The following WDPCP variants were observed in gnomAD, a reference collection of about 807,000 sequenced individuals.
The protein encoded by WDPCP is WD repeat containing planar cell polarity effector.
In WDPCP, 71 loss-of-function variants were observed where a neutral mutation model predicts 93.1. The ratio of observed to expected loss-of-function variants is 0.76; its 90% CI spans 0.63 to 0.93. The LOEUF is 0.93. Among genes scored for constraint, WDPCP ranks in the 40% least tolerant of loss-of-function variants. The pLI, the probability that WDPCP is intolerant of heterozygous loss-of-function variation, is 0.00. For missense variants in WDPCP, 844 were observed against 887.4 expected (o/e 0.95, Z 0.62); for synonymous variants, 315 against 315.0 (o/e 1.00, Z 0.00).
intron 2 of WDPCP, among the ~76,000 whole-genome samples, chr2:63,746,317 G>A (rs1318923198): frequency 6.6e-6 from 1 of 152,128 alleles, no homozygotes; most frequent in African/African-American, 2.4e-5. Flanking sequence ...AGCTGAGGAT[G>A]TATGTGGCCT....
chr2:63,529,282 T>C (rs1451732019), intron 1 of WDPCP, among the ~76,000 whole-genome samples: 10 of 152,230 alleles, frequency 6.6e-5, no homozygotes, highest in Admixed American at 6.5e-4. Flanking sequence ...AGGGCATCCC[T>C]GTCTTGTGCA....
rs1709599944 is a variant in WDPCP at position 63,610,112 on chromosome 2, GTCCAGGC to G, written n.488+40540_488+40546del. 2.0e-5 allele frequency among the ~76,000 whole-genome samples: 3 copies of G among 152,172 alleles called. No individual in the cohort carries two copies. The South Asian group carries it at 6.2e-4, about 32-fold the overall frequency. On this transcript the variant is annotated intron_variant and non_coding_transcript_variant, in intron 3 of 4. Coordinates refer to the WDPCP transcript ENST00000467687. The stretch of plus-strand genomic sequence containing the variant: ...TTTTGTTGCTCCTTCTCTTAATGGA[GTCCAGGC>G]CCAGGAAGTTGTGTCTTCAAGCAGC...
At chr2:63,497,329 A>G (rs1324054878) in intron 1 of WDPCP, among the ~76,000 whole-genome samples, 4 of 152,210 alleles carry the variant, frequency 2.6e-5, no homozygotes, top group East Asian at 3.9e-4. Context: ...AAAATGGCCA[A>G]TGTCCATTAG....
At chr2:63,394,171 T>G (rs1693521958) in intron 10 of WDPCP, among the ~76,000 whole-genome samples, 1 of 152,092 alleles carries the variant, frequency 6.6e-6, no homozygotes, top group African/African-American at 2.4e-5. Context: ...TCCAGAATCT[T>G]AAGGAACTTA....
intron 2 of WDPCP, among the ~76,000 whole-genome samples, chr2:63,767,778 T>G (rs1670165612): frequency 6.6e-6 from 1 of 152,152 alleles, no homozygotes; most frequent in Admixed American, 6.6e-5. Context: ...TATTTTGTCC[T>G]GTCTGTGTGG....
chr2:63,383,367 G>A (rs766179630), intron 10 of WDPCP, among the ~76,000 whole-genome samples: 8 of 152,068 alleles, frequency 5.3e-5, no homozygotes, highest in Non-Finnish European at 4.4e-5. Flanking sequence ...ACAGAGCTGT[G>A]AAATAATAAA....
Position 63,211,173 on chromosome 2 carries a change from G to A in WDPCP, c.1916-36341C>T, listed in dbSNP as rs759354566. Among the ~76,000 whole-genome samples the A allele has an allele frequency of 2.4e-4, 36 of 152,344 alleles. 1 individual carries two copies. The highest frequency in any genetic ancestry group is 4.0e-4 in the Non-Finnish European group (27 of 68,028). On this transcript the variant is annotated intron_variant, in intron 14 of 17. Transcript: ENST00000272321. ...AGACTGCCTCCTCAAGTGGGTCCCT[G>A]ACCCCCGAGTAGCCTAACTGGGAGG...
intron 2 of WDPCP, among the ~76,000 whole-genome samples, chr2:63,669,622 A>C (rs1012984679): frequency 2.0e-5 from 3 of 152,124 alleles, no homozygotes; most frequent in Admixed American, 1.3e-4. Flanking sequence ...AGCCTCCCAA[A>C]GTGCTGGGAT....
intron 2 of WDPCP, among the ~76,000 whole-genome samples, chr2:63,669,411 G>A (rs950938987): frequency 2.0e-5 from 3 of 150,734 alleles, no homozygotes; most frequent in African/African-American, 4.9e-5. Flanking sequence ...CCAGGCTGGA[G>A]TGCAGTGGTG....
intron 3 of WDPCP, among the ~76,000 whole-genome samples, chr2:63,601,989 C>T (rs2106620536): frequency 6.6e-6 from 1 of 152,280 alleles, no homozygotes; most frequent in African/African-American, 2.4e-5. Flanking sequence ...GCCACTCTAC[C>T]CTATCCCACA....
At chr2:63,272,798 G>A (rs1240973817) in intron 13 of WDPCP, among the ~76,000 whole-genome samples, 1 of 152,188 alleles carries the variant, frequency 6.6e-6, no homozygotes, top group Non-Finnish European at 1.5e-5. Flanking sequence ...AGTCCCAGAA[G>A]GCGACAATAT....
At chr2:63,706,379 T>G (rs1669152858) in intron 2 of WDPCP, among the ~76,000 whole-genome samples, 1 of 152,198 alleles carries the variant, frequency 6.6e-6, no homozygotes, top group Non-Finnish European at 1.5e-5. Flanking sequence ...TGATGCAGTT[T>G]CTTCCTAGTC....
intron 15 of WDPCP, among the ~76,000 whole-genome samples, chr2:63,156,375 T>C (rs1347551446): frequency 6.6e-6 from 1 of 152,208 alleles, no homozygotes; most frequent in Non-Finnish European, 1.5e-5. Flanking sequence ...ACAGTATTTC[T>C]TTTATTTTGG....
At chr2:63,332,232 A>C (rs1688034241) in intron 12 of WDPCP, among the ~76,000 whole-genome samples, 1 of 151,944 alleles carries the variant, frequency 6.6e-6, no homozygotes, top group African/African-American at 2.4e-5. Context: ...CCCCCCTAAC[A>C]GAAATACATA....
At chr2:63,496,574 T>A (rs1701235471) in intron 1 of WDPCP, among the ~76,000 whole-genome samples, 1 of 152,166 alleles carries the variant, frequency 6.6e-6, no homozygotes, top group Non-Finnish European at 1.5e-5. Flanking sequence ...CTGAGCATAG[T>A]ACAGTATAGA....
intron 14 of WDPCP, among the ~76,000 whole-genome samples, chr2:63,197,567 G>A (rs1675542583): frequency 6.6e-6 from 1 of 152,152 alleles, no homozygotes; most frequent in African/African-American, 2.4e-5. Context: ...ACCTATTGAA[G>A]TACATCCTGT....
chr2:63,513,941 C>T (rs1702398308), intron 1 of WDPCP, among the ~76,000 whole-genome samples: 1 of 152,084 alleles, frequency 6.6e-6, no homozygotes. Context: ...TCTTGTTTAC[C>T]TGTCCTTTGT....
intron 12 of WDPCP, among the ~76,000 whole-genome samples, chr2:63,373,063 C>T (rs998086035): frequency 3.3e-5 from 5 of 151,928 alleles, no homozygotes; most frequent in East Asian, 1.9e-4. Flanking sequence ...GCGGAGGTTG[C>T]GGTGAGCCAA....
At chr2:63,437,620 G>A (rs570676374) in intron 7 of WDPCP, 66 bp from the exon 8 acceptor site, 2 of 1,407,272 alleles carry the variant, frequency 1.4e-6, no homozygotes, top group East Asian at 2.3e-5. Flanking sequence ...CCACTGATAT[G>A]TTACAAAAAG....
Sources: allele counts gnomAD v4.1 joint callset (sites outside exome capture counted in the v4.1 genomes callset), GRCh38; gene constraint gnomAD v4.1.1; transcripts MANE v1.5; gene names NCBI Gene and HGNC (gene_info 2026-07-23, HGNC 2026-07-21).